MAGI1: variants seen among roughly 807,000 people sequenced by gnomAD.
MAGI1 encodes the protein membrane-associated guanylate kinase, WW and PDZ domain-containing protein 1.
In MAGI1, 58 loss-of-function variants were observed where a neutral mutation model predicts 139.9. The observed-to-expected ratio is 0.41, with a 90% CI of 0.34 to 0.52. MAGI1 has a LOEUF of 0.52. Ranked by LOEUF, MAGI1 falls within the 20% of genes least tolerant of loss-of-function variation. The pLI is 0.12. For synonymous variants in MAGI1, 812 were observed against 737.9 expected, an observed-to-expected ratio of 1.10 and a Z score of -1.63; for missense variants, 1,874 against 1,901.6, an observed-to-expected ratio of 0.99 and a Z score of 0.27.
At chr3:65,883,141 G>T (rs1394217323) in intron 1 of MAGI1, among the ~76,000 whole-genome samples, 1 of 151,934 alleles carries the variant, frequency 6.6e-6, no homozygotes, top group Non-Finnish European at 1.5e-5. Flanking sequence ...AACGTCACAG[G>T]TCTGGCAATA....
chr3:65,369,164 A>G (rs1941736611), intron 18 of MAGI1, among the ~76,000 whole-genome samples: 1 of 152,160 alleles, frequency 6.6e-6, no homozygotes, highest in Non-Finnish European at 1.5e-5. Flanking sequence ...AGAGAATCAA[A>G]GCAATGAAGG....
intron 1 of MAGI1, among the ~76,000 whole-genome samples, chr3:65,840,811 G>C (rs955527404): frequency 1.3e-5 from 2 of 152,184 alleles, no homozygotes; most frequent in Non-Finnish European, 2.9e-5. Flanking sequence ...CATAAAGTGA[G>C]TTAGAATTAT....
At chr3:65,590,615 C>A (rs562220531) in intron 2 of MAGI1, among the ~76,000 whole-genome samples, 3 of 152,154 alleles carry the variant, frequency 2.0e-5, no homozygotes, top group Admixed American at 2.0e-4. Context: ...CTGTCCCCCC[C>A]ATTCGTCTTT....
intron 1 of MAGI1, among the ~76,000 whole-genome samples, chr3:65,900,597 G>A (rs1025623298): frequency 3.9e-5 from 6 of 152,134 alleles, no homozygotes; most frequent in African/African-American, 9.7e-5. Context: ...TGAAATTGGC[G>A]TGAAGAGGGA....
At chr3:65,711,069 T>C (rs2031334125) in intron 1 of MAGI1, among the ~76,000 whole-genome samples, 1 of 152,192 alleles carries the variant, frequency 6.6e-6, no homozygotes, top group South Asian at 2.1e-4. Context: ...CTGGTTCCAG[T>C]CTACACCTTA....
At chr3:65,487,468 C>A (rs1300311445) in intron 3 of MAGI1, among the ~76,000 whole-genome samples, 1 of 152,174 alleles carries the variant, frequency 6.6e-6, no homozygotes, top group East Asian at 1.9e-4. Context: ...CCCAGTCCTG[C>A]AACATTTGGC....
rs925383226 is a variant in MAGI1 at position 65,940,652 on chromosome 3, C to T, written c.313+97344G>A. ...GGAGATTCACATTCAGTCTATAACACGGGTCCCATTACTTTTCTACTGAGA... is the reference window on the plus strand; with the variant it reads ...GGAGATTCACATTCAGTCTATAACATGGGTCCCATTACTTTTCTACTGAGA... On this transcript the variant is annotated intron_variant, in intron 1 of 22. Transcript: ENST00000402939. 3.3e-5 allele frequency among the ~76,000 whole-genome samples: 5 copies of T among 152,190 alleles called. No homozygotes were observed. The East Asian group carries it at 5.8e-4, about 18-fold the overall frequency.
At chr3:65,740,247 GATA>G (rs1214803929) in intron 1 of MAGI1, among the ~76,000 whole-genome samples, 1 of 152,180 alleles carries the variant, frequency 6.6e-6, no homozygotes, top group Non-Finnish European at 1.5e-5. Flanking sequence ...TTACTGGACT[GATA>G]ATGATGCTAA....
At chr3:65,653,081 G>A (rs189205790) in intron 1 of MAGI1, among the ~76,000 whole-genome samples, 1 of 152,100 alleles carries the variant, frequency 6.6e-6, no homozygotes, top group African/African-American at 2.4e-5. Flanking sequence ...GAGAAAACTT[G>A]TATACTTTTT....
chr3:65,565,970 T>C (rs562344396), intron 2 of MAGI1, among the ~76,000 whole-genome samples: 1 of 151,730 alleles, frequency 6.6e-6, no homozygotes, highest in East Asian at 1.9e-4. Flanking sequence ...AACGTCATAA[T>C]ATTTTAAGTT....
chr3:65,908,253 C>A (rs938841382), intron 1 of MAGI1, among the ~76,000 whole-genome samples: 10 of 152,090 alleles, frequency 6.6e-5, no homozygotes, highest in African/African-American at 2.4e-4. Context: ...ACCTCTTTTT[C>A]CTGGTGTTGA....
At chr3:65,764,175 T>C (rs2037284242) in intron 1 of MAGI1, among the ~76,000 whole-genome samples, 1 of 151,766 alleles carries the variant, frequency 6.6e-6, no homozygotes, top group South Asian at 2.1e-4. Flanking sequence ...ATGATCAACA[T>C]GAAATCCTTA....
chr3:65,996,636 T>G (rs1365395823), intron 1 of MAGI1, among the ~76,000 whole-genome samples: 1 of 151,026 alleles, frequency 6.6e-6, no homozygotes, highest in Non-Finnish European at 1.5e-5. Flanking sequence ...CTCGCTTCAC[T>G]CCTTTCCACT....
chr3:66,025,554 A>C (rs1054880426), intron 1 of MAGI1, among the ~76,000 whole-genome samples: 14 of 152,308 alleles, frequency 9.2e-5, no homozygotes, highest in Middle Eastern at 3.4e-3. Context: ...AAAAAACAAA[A>C]AAACAAACAA....
chr3:65,487,540 A>G (rs1951706572), intron 3 of MAGI1, among the ~76,000 whole-genome samples: 1 of 152,152 alleles, frequency 6.6e-6, no homozygotes, highest in African/African-American at 2.4e-5. Context: ...TTTCAGTTCT[A>G]TCATCTGAAG....
At chr3:65,853,251 A>G (rs2059268344) in intron 1 of MAGI1, among the ~76,000 whole-genome samples, 1 of 152,228 alleles carries the variant, frequency 6.6e-6, no homozygotes, top group South Asian at 2.1e-4. Flanking sequence ...AGATTTAAAA[A>G]TAAGTCTTCA....
At chr3:65,895,581 A>G (rs577268003) in intron 1 of MAGI1, among the ~76,000 whole-genome samples, 1 of 152,324 alleles carries the variant, frequency 6.6e-6, no homozygotes, top group South Asian at 2.1e-4. Context: ...TATATGATCA[A>G]TGACCATCTA....
At chr3:65,437,295 T>C (rs1947922917) in intron 9 of MAGI1, 48 bp from the exon 10 acceptor site, 13 of 1,191,532 alleles carry the variant, frequency 1.1e-5, no homozygotes, top group South Asian at 3.7e-5. Context: ...AAATGGCTCA[T>C]TGAGTTACTT....
chr3:65,765,511 C>T (rs552767027), intron 1 of MAGI1, among the ~76,000 whole-genome samples: 2 of 152,288 alleles, frequency 1.3e-5, no homozygotes, highest in South Asian at 2.1e-4. Context: ...ACATTGAAGT[C>T]ATTTATCCAA....
Sources: allele counts gnomAD v4.1 joint callset (sites outside exome capture counted in the v4.1 genomes callset), GRCh38; gene constraint gnomAD v4.1.1; transcripts MANE v1.5; gene names NCBI Gene and HGNC (gene_info 2026-07-23, HGNC 2026-07-21).